The following MCCC1 variants were observed in gnomAD, a reference collection of about 807,000 sequenced individuals.
MCCC1 encodes the protein methylcrotonyl-CoA carboxylase subunit 1.
A neutral mutation model predicts 83.8 loss-of-function variants in MCCC1; 64 were observed. That is an observed-to-expected ratio of 0.76 (90% CI 0.62 to 0.94). The LOEUF (loss-of-function observed/expected upper bound fraction) is 0.94. Among genes scored for constraint, MCCC1 ranks in the 40% least tolerant of loss-of-function variants. The pLI is 0.00. For missense variants in MCCC1, 807 were observed against 904.7 expected (o/e 0.89, Z 1.39); for synonymous variants, 322 against 315.4 (o/e 1.02, Z -0.22).
upstream of MCCC1, among the ~76,000 whole-genome samples, chr3:183,101,914 C>T (rs1184530688): frequency 3.3e-5 from 5 of 151,846 alleles, no homozygotes; most frequent in East Asian, 1.9e-4. Context: ...ACACTCACCG[C>T]GAAGGTCTGC....
Position 183,030,248 on chromosome 3 carries a change from C to A in MCCC1, c.1681+3743G>T, listed in dbSNP as rs550736272. On this transcript the variant is annotated intron_variant, in intron 14 of 18. Coordinates refer to ENST00000265594, the MANE Select transcript of MCCC1 (RefSeq NM_020166.5). ...GCTTGAACCCGGGAGGCAGAAGTTG[C>A]AGTGAGCCGAGATCATACCACGGCA... Among the ~76,000 whole-genome samples the A allele has an allele frequency of 8.5e-5, 13 of 152,278 alleles. No homozygotes were observed. In the South Asian group the frequency reaches 1.9e-3, roughly 22 times the overall value.
At chr3:183,070,417 T>G (rs1716573278) in intron 7 of MCCC1, among the ~76,000 whole-genome samples, 1 of 152,220 alleles carries the variant, frequency 6.6e-6, no homozygotes, top group Non-Finnish European at 1.5e-5. Context: ...GAAAGATGTC[T>G]GTGATATAAT....
At chr3:183,106,721 T>C (rs1363837309) in intron 1 of MCCC1, among the ~76,000 whole-genome samples, 1 of 152,090 alleles carries the variant, frequency 6.6e-6, no homozygotes, top group Non-Finnish European at 1.5e-5. Flanking sequence ...GATCTCAAAC[T>C]CCTGACCTCA....
chr3:183,041,451 T>C (rs1183849661), intron 11 of MCCC1, 116 bp downstream of exon 11: 2 of 1,126,294 alleles, frequency 1.8e-6, no homozygotes, highest in Non-Finnish European at 2.6e-6. Flanking sequence ...ACTTAAATTC[T>C]TTATTTTAAA....
chr3:183,082,100 C>A (rs929269890), intron 4 of MCCC1, among the ~76,000 whole-genome samples: 14 of 152,218 alleles, frequency 9.2e-5, no homozygotes, highest in Non-Finnish European at 1.8e-4. Flanking sequence ...TACGGCCCCC[C>A]AAGTGTTCTT....
At chr3:183,071,173 A>G (rs752340856) in intron 6 of MCCC1, 37 bp downstream of exon 6, 11 of 1,614,194 alleles carry the variant, frequency 6.8e-6, no homozygotes, top group African/African-American at 1.3e-5. Flanking sequence ...AAAGAAGACA[A>G]GCCTGAATTG....
In MCCC1 at chr3:183,063,129, G is replaced by A. The variant is rs544432067; in HGVS notation, c.762-5707C>T. 5.3e-5 allele frequency among the ~76,000 whole-genome samples: 8 copies of A among 151,988 alleles called. No homozygotes were observed. In the South Asian group the frequency reaches 6.2e-4, roughly 12 times the overall value. Reference sequence around the variant, plus strand: ...CTCCCGAGTAGCTGGGACTACAGGCGTCCACCACCACACCTGGCTAATTTT... The same window carrying A: ...CTCCCGAGTAGCTGGGACTACAGGCATCCACCACCACACCTGGCTAATTTT... On this transcript the variant is annotated intron_variant, in intron 7 of 18. Transcript: ENST00000265594.
chr3:183,045,311 C>T (rs956956156), intron 10 of MCCC1, 102 bp downstream of exon 10: 11 of 1,384,294 alleles, frequency 7.9e-6, no homozygotes, highest in African/African-American at 1.4e-5. Context: ...AACTCCTGAC[C>T]TCAGGTGATC....
chr3:183,061,880 T>C (rs1010169551), intron 7 of MCCC1, among the ~76,000 whole-genome samples: 3 of 152,232 alleles, frequency 2.0e-5, no homozygotes, highest in African/African-American at 4.8e-5. Context: ...ACAAGCAAAT[T>C]TCATCTTGAA....
chr3:183,041,140 T>C (rs1714048874), intron 11 of MCCC1, among the ~76,000 whole-genome samples: 1 of 152,240 alleles, frequency 6.6e-6, no homozygotes, highest in Non-Finnish European at 1.5e-5. Flanking sequence ...GTGATAGCTC[T>C]TCCACTGTTT....
At chr3:183,110,393 A>ATTTTTTTTTTTTTTTTTTTTTTTTTT in intron 1 of MCCC1, among the ~76,000 whole-genome samples, 1 of 129,578 alleles carries the variant, frequency 7.7e-6, no homozygotes, top group East Asian at 2.3e-4. Context: ...TTTAGTCACA[A>ATTTTTTTTTTTTTTTTTTTTTTTTTT]TTTTTTTTTT....
At chr3:183,097,443 A>G (rs1441463382) in intron 1 of MCCC1, among the ~76,000 whole-genome samples, 5 of 152,328 alleles carry the variant, frequency 3.3e-5, no homozygotes, top group African/African-American at 1.2e-4. Context: ...CCCAGGATGG[A>G]GTACAGTGGT....
At chr3:183,039,576 C>CAATAAAGTG (rs1276569579) in intron 11 of MCCC1, among the ~76,000 whole-genome samples, 1 of 152,110 alleles carries the variant, frequency 6.6e-6, no homozygotes, top group African/African-American at 2.4e-5. Flanking sequence ...GGAGGAGTGA[C>CAATAAAGTG]AATAAAGTGA....
intron 13 of MCCC1, 126 bp downstream of exon 13, chr3:183,037,092 T>C: frequency 1.1e-6 from 1 of 907,220 alleles, no homozygotes. Flanking sequence ...AAAACACATC[T>C]GAAAAGAATG....
At chr3:183,045,317 T>A in intron 10 of MCCC1, 96 bp downstream of exon 10, 1 of 1,440,814 alleles carries the variant, frequency 6.9e-7, no homozygotes, top group Non-Finnish European at 9.7e-7. Context: ...TGACCTCAGG[T>A]GATCCACCTG....
Position 183,063,038 on chromosome 3 carries a change from C to T in MCCC1, c.762-5616G>A, listed in dbSNP as rs113470770. Among the ~76,000 whole-genome samples, 1,391 of 152,138 alleles carry T rather than the reference C, an allele frequency of 9.1e-3. 20 individuals carry two copies. Among genetic ancestry groups the T allele is most frequent in the African/African-American group, 0.03 (1,260 of 41,492 alleles). On this transcript the variant is annotated intron_variant, in intron 7 of 18. Transcript: ENST00000265594. ...TTGCTCTGTCACCCAGGCTGTAGTG[C>T]AGTGGTGTGACCTAGGCTCACTACA...
intron 4 of MCCC1, among the ~76,000 whole-genome samples, chr3:183,078,773 C>T (rs557868542): frequency 1.3e-5 from 2 of 152,164 alleles, no homozygotes; most frequent in African/African-American, 4.8e-5. Context: ...TGTTTTCACA[C>T]TGCTGATAAA....
chr3:183,102,263 G>C (rs959797297), upstream of MCCC1, among the ~76,000 whole-genome samples: 2 of 152,108 alleles, frequency 1.3e-5, no homozygotes, highest in African/African-American at 2.4e-5. Context: ...CTACTCGGGA[G>C]ACTGAGGCAG....
At chr3:183,103,112 C>T (rs529281919), upstream of MCCC1, among the ~76,000 whole-genome samples, 1 of 151,932 alleles carries the variant, frequency 6.6e-6, no homozygotes, top group African/African-American at 2.4e-5. Flanking sequence ...TGGATGTGTT[C>T]GGAGTTTTTT....
Sources: gnomAD v4.1 joint callset for allele counts (sites outside exome capture counted in the v4.1 genomes callset) on GRCh38, gnomAD v4.1.1 for gene constraint, MANE v1.5 for transcripts, NCBI Gene and HGNC (gene_info 2026-07-23, HGNC 2026-07-21) for gene names.